The following ARFGEF1 variants were observed in gnomAD, a reference collection of about 807,000 sequenced individuals.
ARFGEF1 encodes ARF guanine nucleotide exchange factor 1, also known as brefeldin A-inhibited guanine nucleotide-exchange protein 1.
In ARFGEF1, 42 loss-of-function variants were observed where a neutral mutation model predicts 231.0. The observed-to-expected ratio is 0.18, with a 90% confidence interval of 0.14 to 0.24. ARFGEF1 has a LOEUF of 0.24. Among genes scored for constraint, ARFGEF1 ranks in the 10% least tolerant of loss-of-function variants. The pLI is 1.00. For missense variants in ARFGEF1, 1,345 were observed against 2,192.0 expected (o/e 0.61, Z 7.72); for synonymous variants, 710 against 732.3 (o/e 0.97, Z 0.49).
chr8:67,201,385 A>G, intron 37 of ARFGEF1, 82 bp downstream of exon 37: 3 of 1,497,630 alleles, frequency 2.0e-6, no homozygotes, highest in South Asian at 1.4e-5. Flanking sequence ...CTCAGCTGTC[A>G]GCATGGTCCC....
intron 23 of ARFGEF1, among the ~76,000 whole-genome samples, chr8:67,230,945 A>C (rs557900300): frequency 6.6e-6 from 1 of 152,258 alleles, no homozygotes; most frequent in Non-Finnish European, 1.5e-5. Flanking sequence ...ATAAAATCTT[A>C]TTCTCTTCTC....
chr8:67,270,870 C>T (rs1166507489), intron 10 of ARFGEF1, among the ~76,000 whole-genome samples: 2 of 150,920 alleles, frequency 1.3e-5, no homozygotes, highest in Non-Finnish European at 3.0e-5. Flanking sequence ...ACTAAAAATA[C>T]AAAATTAGCC....
At chr8:67,222,563 G>C (rs1839234404) in intron 29 of ARFGEF1, among the ~76,000 whole-genome samples, 1 of 152,028 alleles carries the variant, frequency 6.6e-6, no homozygotes, top group Non-Finnish European at 1.5e-5. Context: ...CGATTCTCCT[G>C]CCTCAGCCTC....
downstream of ARFGEF1, chr8:67,173,683 T>C (rs1402385503): frequency 6.6e-6 from 1 of 152,244 alleles, no homozygotes; most frequent in Admixed American, 6.5e-5. Flanking sequence ...AATTGTGTTA[T>C]TTATTTAATT....
chr8:67,204,271 G>C (rs1185793380), intron 35 of ARFGEF1, among the ~76,000 whole-genome samples: 3 of 152,112 alleles, frequency 2.0e-5, no homozygotes, highest in Non-Finnish European at 4.4e-5. Context: ...CGTCCAAACA[G>C]TTAGAGGGCA....
chr8:67,198,335 TAAAG>T lies in ARFGEF1; in HGVS notation c.*595_*598del, dbSNP rs961480235. 3.3e-5 allele frequency: 32 copies of T among 983,974 alleles called. No individual in the cohort carries two copies. The highest frequency in any genetic ancestry group is 5.3e-5 in the African/African-American group (3 of 57,138). The allele number at this position is 983,974 out of a possible 1,614,324, so 61.0% of individuals were successfully genotyped here. On this transcript the variant is annotated 3_prime_UTR_variant, in exon 39 of 39. Coordinates refer to ENST00000262215, the MANE Select transcript of ARFGEF1 (RefSeq NM_006421.5). ...GGTATTTAGCAAATGAATAAGAAAA[TAAAG>T]AAAACAGTGCAGGAAGAACTATATA...
At chr8:67,335,359 C>T (rs1443425337) in intron 1 of ARFGEF1, among the ~76,000 whole-genome samples, 1 of 152,170 alleles carries the variant, frequency 6.6e-6, no homozygotes, top group Non-Finnish European at 1.5e-5. Context: ...CCCGCCTCAG[C>T]CTCCCAAAGT....
intron 14 of ARFGEF1, among the ~76,000 whole-genome samples, chr8:67,261,203 GATTTTCCATGTA>G (rs1316640396): frequency 1.2e-4 from 18 of 152,308 alleles, no homozygotes; most frequent in Middle Eastern, 6.8e-3. Flanking sequence ...CTAAACAACA[GATTTTCCATGTA>G]GATAAAACAG....
At chr8:67,316,333 C>G (rs1000842865) in intron 1 of ARFGEF1, among the ~76,000 whole-genome samples, 10 of 152,174 alleles carry the variant, frequency 6.6e-5, no homozygotes, top group African/African-American at 2.4e-4. Flanking sequence ...CCTGAGAATT[C>G]TACCACGTTT....
chr8:67,328,138 A>G (rs1807927156), intron 1 of ARFGEF1, among the ~76,000 whole-genome samples: 1 of 152,180 alleles, frequency 6.6e-6, no homozygotes, highest in Non-Finnish European at 1.5e-5. Flanking sequence ...GATATAAAAG[A>G]GAATGCCTAT....
At chr8:67,184,067 G>A (rs913427606) in intron 5 of ARFGEF1, among the ~76,000 whole-genome samples, 22 of 151,994 alleles carry the variant, frequency 1.4e-4, no homozygotes, top group Non-Finnish European at 2.8e-4. Context: ...TGGCCAGGCT[G>A]GTCTCGAACT....
In ARFGEF1 at chr8:67,235,908, A is replaced by AC. The variant is rs1428478406; in HGVS notation, c.3289+2434dup. Among the ~76,000 whole-genome samples the AC allele has an allele frequency of 2.0e-5, 3 of 152,268 alleles. No individual in the cohort carries two copies. The East Asian group carries it at 5.8e-4, about 29-fold the overall frequency. ...GTATTTCCAAAAAGTGAAAGTACAG[A>AC]CTTTTTTTCTATCAGTCAGAAAGTA... On this transcript the variant is annotated intron_variant, in intron 22 of 38. Coordinates refer to ENST00000262215, the MANE Select transcript of ARFGEF1 (RefSeq NM_006421.5).
intron 1 of ARFGEF1, among the ~76,000 whole-genome samples, chr8:67,336,789 A>G (rs1808361312): frequency 6.6e-6 from 1 of 152,200 alleles, no homozygotes; most frequent in African/African-American, 2.4e-5. Flanking sequence ...AAAGAACCAG[A>G]CAAGTGAAAG....
Position 67,200,450 on chromosome 8 carries a change from C to G in ARFGEF1, c.5331G>C (p.Trp1777Cys). Residue 1777 changes from tryptophan (W) to cysteine (C), a missense_variant, in exon 38 of 39, where the codon TGG becomes TGC. Around this residue, in one of 14 missense-constraint regions of ARFGEF1, gnomAD observed 161 missense variants for 284.9 expected, o/e 0.57. Coordinates refer to ENST00000262215, the MANE Select transcript of ARFGEF1 (RefSeq NM_006421.5). ...TLTSESHREA[W>C]TNLLLLFLTK... ...TTAGAAACAAAAGCAGTAAGTTAGT[C>G]CAGGCTTCTCGATGACTTTCTGATG... 6.2e-7 allele frequency: 1 copy of G among 1,605,706 alleles called. No homozygotes were observed. Among genetic ancestry groups the G allele is most frequent in the Non-Finnish European group, 8.5e-7 (1 of 1,172,368 alleles).
chr8:67,236,084 CAGG>C (rs1228742671), intron 22 of ARFGEF1, among the ~76,000 whole-genome samples: 1 of 151,456 alleles, frequency 6.6e-6, no homozygotes, highest in African/African-American at 2.4e-5. Context: ...CACATGAGGT[CAGG>C]AGTTCAAGAT....
chr8:67,293,962 T>C (rs984228883), intron 5 of ARFGEF1, among the ~76,000 whole-genome samples: 2 of 152,138 alleles, frequency 1.3e-5, no homozygotes, highest in Non-Finnish European at 2.9e-5. Context: ...TCGCCCTCTG[T>C]GTATCCATGG....
intron 9 of ARFGEF1, among the ~76,000 whole-genome samples, chr8:67,272,305 T>G (rs559695732): frequency 3.9e-5 from 6 of 152,256 alleles, no homozygotes; most frequent in Non-Finnish European, 8.8e-5. Flanking sequence ...TAGCTGGGAC[T>G]ACAGGCACCC....
At chr8:67,179,749 C>T (rs978182033) in intron 5 of ARFGEF1, 10 of 690,170 alleles carry the variant, frequency 1.4e-5, no homozygotes, top group Non-Finnish European at 2.3e-5. Context: ...TACCTCTACC[C>T]ATCCTCTGCT....
chr8:67,228,336 A>G, intron 23 of ARFGEF1, 72 bp from the exon 24 acceptor site: 1 of 1,393,014 alleles, frequency 7.2e-7, no homozygotes, highest in Non-Finnish European at 1.0e-6. Flanking sequence ...AGTATGTGGC[A>G]TGGGGTACTA....
Sources: allele counts gnomAD v4.1 joint callset (sites outside exome capture counted in the v4.1 genomes callset), GRCh38; gene constraint gnomAD v4.1.1; regional missense constraint gnomAD v4.1.1; transcripts MANE v1.5; gene names NCBI Gene and HGNC (gene_info 2026-07-23, HGNC 2026-07-21).